ABL1: variants seen among roughly 807,000 people sequenced by gnomAD.
The protein encoded by ABL1 is ABL proto-oncogene 1, non-receptor tyrosine kinase, also known as tyrosine-protein kinase ABL1.
A neutral mutation model predicts 94.7 loss-of-function variants in ABL1; 11 were observed. That is an observed-to-expected ratio of 0.12 (90% CI 0.07 to 0.19). The LOEUF is 0.19. Among genes scored for constraint, ABL1 ranks in the 10% least tolerant of loss-of-function variants. The pLI, the probability that ABL1 is intolerant of heterozygous loss-of-function variation, is 1.00. For synonymous variants in ABL1, 656 were observed against 622.4 expected (o/e 1.05, Z -0.80); for missense variants, 1,082 against 1,489.4 (o/e 0.73, Z 4.50).
chr9:130,835,038 C>T (rs770557868), upstream of ABL1: 58 of 323,826 alleles, frequency 1.8e-4, no homozygotes, highest in Non-Finnish European at 3.2e-4. The surrounding 1 kb of genome is among the most constrained non-coding windows in gnomAD (Gnocchi z 4.6). Flanking sequence ...CGCTTCCAGG[C>T]GGAGAAAGAC....
At chr9:130,809,415 AGAGT>A (rs59584189) in intron 1 of ABL1, among the ~76,000 whole-genome samples, 17,749 of 95,222 alleles carry the variant, frequency 0.19, 919 homozygotes, top group East Asian at 0.25. Context: ...AGAGAGAGAG[AGAGT>A]GTGTGTGTGT....
chr9:130,761,756 G>T (rs975422958), intron 1 of ABL1, among the ~76,000 whole-genome samples: 9 of 152,220 alleles, frequency 5.9e-5, no homozygotes, highest in Middle Eastern at 6.8e-3. Context: ...TAGTATACAG[G>T]AAAGTTACAG....
intron 8 of ABL1, 31 bp downstream of exon 8, chr9:130,878,598 A>T (rs775117973): frequency 6.2e-7 from 1 of 1,606,410 alleles, no homozygotes; most frequent in Non-Finnish European, 8.5e-7. Flanking sequence ...TCTCACGAGT[A>T]TATGTGGGCA....
chr9:130,751,129 C>CTTTT (rs60206110), intron 1 of ABL1, among the ~76,000 whole-genome samples: 1,010 of 57,470 alleles, frequency 0.018, 295 homozygotes, highest in East Asian at 0.067. Context: ...TTTTATTCAG[C>CTTTT]TTTTTTTTTT....
intron 1 of ABL1, among the ~76,000 whole-genome samples, chr9:130,838,915 ATTGTTG>A (rs1228359931): frequency 6.6e-6 from 1 of 151,908 alleles, no homozygotes; most frequent in East Asian, 1.9e-4. Context: ...TGTTGTTGTT[ATTGTTG>A]CTTTTGGAGA....
At chr9:130,771,206 A>G (rs1588232800) in intron 1 of ABL1, among the ~76,000 whole-genome samples, 1 of 151,140 alleles carries the variant, frequency 6.6e-6, no homozygotes, top group Non-Finnish European at 1.5e-5. Context: ...TGGAGTTGAT[A>G]GGGGCAGCTG....
rs1301922960 is a variant in ABL1 at position 130,835,554 on chromosome 9, A to C, written c.79+29A>C. On this transcript the variant is annotated intron_variant, in intron 1 of 10. Coordinates refer to ENST00000318560, the MANE Select transcript of ABL1 (RefSeq NM_005157.6). This position sits in a 1 kb window ranked among gnomAD's most constrained non-coding sequence, Gnocchi z 4.6. ...AGCCCGGGCCGCACGGGTTGGGCTG[A>C]GTAGCCGCGCGCCCTCCCGCTGCTG... The C allele has an allele frequency of 4.6e-6, 7 of 1,538,076 alleles. No homozygotes were observed. The highest frequency in any genetic ancestry group is 6.2e-6 in the Non-Finnish European group (7 of 1,137,302).
chr9:130,807,129 G>A (rs865842350), intron 1 of ABL1, among the ~76,000 whole-genome samples: 3 of 152,028 alleles, frequency 2.0e-5, no homozygotes, highest in Non-Finnish European at 2.9e-5. Context: ...CAGCTGGGGC[G>A]ACAGAGTGAG....
intron 1 of ABL1, among the ~76,000 whole-genome samples, chr9:130,738,604 C>G (rs1204702317): frequency 6.6e-6 from 1 of 152,086 alleles, no homozygotes; most frequent in East Asian, 1.9e-4. Context: ...AAATCAATTC[C>G]CTGCTGGAGC....
At chr9:130,723,751 G>A (rs752383640) in intron 1 of ABL1, among the ~76,000 whole-genome samples, 27 of 151,994 alleles carry the variant, frequency 1.8e-4, no homozygotes, top group Non-Finnish European at 5.9e-5. Flanking sequence ...ATAGTTTTAT[G>A]TGAGTTTCAT....
intron 1 of ABL1, among the ~76,000 whole-genome samples, chr9:130,749,497 A>C (rs530202868): frequency 6.6e-6 from 1 of 152,352 alleles, no homozygotes; most frequent in East Asian, 1.9e-4. Context: ...AGCCTGGTCC[A>C]CTAAGTTGTT....
intron 1 of ABL1, among the ~76,000 whole-genome samples, chr9:130,756,481 T>A (rs545508073): frequency 2.6e-5 from 4 of 152,230 alleles, no homozygotes; most frequent in African/African-American, 9.6e-5. Context: ...TACAGCAAAA[T>A]TGGTGCCTTT....
At chr9:130,750,867 G>A (rs1419970297) in intron 1 of ABL1, among the ~76,000 whole-genome samples, 2 of 151,330 alleles carry the variant, frequency 1.3e-5, no homozygotes, top group Non-Finnish European at 2.9e-5. Context: ...GGCTGGTCTC[G>A]AACTCCTGAC....
At chr9:130,854,269 G>C in intron 2 of ABL1, 32 bp downstream of exon 2, 1 of 1,601,000 alleles carries the variant, frequency 6.2e-7, no homozygotes, top group Non-Finnish European at 8.5e-7. Context: ...AGTGGTGGTT[G>C]CAGGAGATAG....
At chr9:130,775,048 T>C (rs2132772887) in intron 1 of ABL1, among the ~76,000 whole-genome samples, 1 of 152,350 alleles carries the variant, frequency 6.6e-6, no homozygotes, top group South Asian at 2.1e-4. Context: ...CTGGCCTCTG[T>C]AGTTTGTGAA....
chr9:130,754,762 C>G (rs943914231), intron 1 of ABL1, among the ~76,000 whole-genome samples: 1 of 152,024 alleles, frequency 6.6e-6, no homozygotes, highest in Admixed American at 6.6e-5. Flanking sequence ...GTTTGAATAC[C>G]GTGCGGGGCT....
At chr9:130,858,626 C>T (rs1443377155) in intron 3 of ABL1, among the ~76,000 whole-genome samples, 1 of 152,156 alleles carries the variant, frequency 6.6e-6, no homozygotes, top group Non-Finnish European at 1.5e-5. Flanking sequence ...AGGGAGCTCC[C>T]ACAGCTATGC....
chr9:130,723,759 C>T (rs994517436), intron 1 of ABL1, among the ~76,000 whole-genome samples: 1 of 152,052 alleles, frequency 6.6e-6, no homozygotes, highest in East Asian at 1.9e-4. Context: ...ATGTGAGTTT[C>T]ATGGAAGAGA....
rs1221867525 is a variant in ABL1 at position 130,886,056 on chromosome 9, G to C, written c.*373G>C. 2 of 265,810 alleles carry C rather than the reference G, an allele frequency of 7.5e-6. No individual in the cohort carries two copies. Among genetic ancestry groups the C allele is most frequent in the African/African-American group, 4.3e-5 (2 of 46,130 alleles). The allele number at this position is 265,810 out of a possible 1,614,324, so 16.5% of individuals were successfully genotyped here. On this transcript the variant is annotated 3_prime_UTR_variant, in exon 11 of 11. Coordinates refer to ENST00000318560, the MANE Select transcript of ABL1 (RefSeq NM_005157.6). Reference sequence around the variant, plus strand: ...CTGTCTTTTTCATTTTTTTCTCTCTGGAGCCCCTCCTCCCCCGGCTGGGCC... The same window carrying C: ...CTGTCTTTTTCATTTTTTTCTCTCTCGAGCCCCTCCTCCCCCGGCTGGGCC...
Sources: gnomAD v4.1 joint callset for allele counts (sites outside exome capture counted in the v4.1 genomes callset) on GRCh38, gnomAD v4.1.1 for gene constraint, Gnocchi (gnomAD v3.1) non-coding constraint, MANE v1.5 for transcripts, NCBI Gene and HGNC (gene_info 2026-07-23, HGNC 2026-07-21) for gene names.